Variants in SLC35D4 observed in about 807,000 individuals in gnomAD.
SLC35D4 encodes the protein solute carrier family 35 member D4.
the SLC35D4 span, among the ~76,000 whole-genome samples, chr18:23,318,758 C>T: frequency 2.6e-5 from 4 of 152,120 alleles, no homozygotes; most frequent in Admixed American, 2.6e-4. Flanking sequence ...ATTCAGTAGA[C>T]ATTTGAGGAT....
the SLC35D4 span, among the ~76,000 whole-genome samples, chr18:23,340,999 G>A: frequency 6.6e-6 from 1 of 152,344 alleles, no homozygotes; most frequent in East Asian, 1.9e-4. Context: ...AAACTGACTA[G>A]GAGAAAACTA....
the SLC35D4 span, among the ~76,000 whole-genome samples, chr18:23,401,585 A>T: frequency 1.3e-5 from 2 of 152,220 alleles, no homozygotes; most frequent in Non-Finnish European, 2.9e-5. Flanking sequence ...GGCAGGATAC[A>T]GGCCCATGGC....
At chr18:23,343,899 TC>T in the SLC35D4 span, among the ~76,000 whole-genome samples, 9 of 147,912 alleles carry the variant, frequency 6.1e-5, no homozygotes, top group African/African-American at 2.3e-4. Flanking sequence ...ATGATCTCAT[TC>T]TTTTTTTTTT....
At chr18:23,274,056 C>T in the SLC35D4 span, among the ~76,000 whole-genome samples, 2 of 152,132 alleles carry the variant, frequency 1.3e-5, no homozygotes, top group African/African-American at 4.8e-5. Flanking sequence ...CCTCAGCCTC[C>T]CGAGTAGCTG....
At chr18:23,427,750 C>G in the SLC35D4 span, among the ~76,000 whole-genome samples, 2 of 152,140 alleles carry the variant, frequency 1.3e-5, no homozygotes, top group African/African-American at 2.4e-5. Flanking sequence ...TTCACAATAG[C>G]AAAGACTTGG....
At chr18:23,283,743 A>T in the SLC35D4 span, among the ~76,000 whole-genome samples, 1 of 150,356 alleles carries the variant, frequency 6.7e-6, no homozygotes, top group Non-Finnish European at 1.5e-5. Context: ...TGGGAGGCGG[A>T]GGTTGCATTG....
chr18:23,409,067 G>A, the SLC35D4 span, among the ~76,000 whole-genome samples: 4 of 151,674 alleles, frequency 2.6e-5, no homozygotes, highest in African/African-American at 4.8e-5. Flanking sequence ...CCCAGGAGGC[G>A]GAGGTTGCAG....
At chr18:23,257,226 G>GAAACTGGAAGAGAAGTTCCGGCT in the SLC35D4 span, 1 of 1,602,404 alleles carries the variant, frequency 6.2e-7, no homozygotes, top group Non-Finnish European at 8.5e-7. Context: ...TTTTGTTGCA[G>GAAACTGGAAGAGAAGTTCCGGCT]AAACTGGAAG....
chr18:23,385,342 C>T, the SLC35D4 span, among the ~76,000 whole-genome samples: 2 of 152,200 alleles, frequency 1.3e-5, no homozygotes, highest in African/African-American at 4.8e-5. Flanking sequence ...GAACACATCC[C>T]ATGACAAGGT....
At chr18:23,362,301 T>C in the SLC35D4 span, among the ~76,000 whole-genome samples, 3 of 152,150 alleles carry the variant, frequency 2.0e-5, no homozygotes, top group Non-Finnish European at 1.5e-5. Context: ...GGATACTTCA[T>C]AGTAAAGTGT....
chr18:23,361,597 G>C, the SLC35D4 span, among the ~76,000 whole-genome samples: 136 of 152,250 alleles, frequency 8.9e-4, 3 homozygotes, highest in African/African-American at 3.0e-3. Context: ...ACAAATCGAA[G>C]TTGCAGAGAA....
At chr18:23,246,639 C>T in the SLC35D4 span, among the ~76,000 whole-genome samples, 2,077 of 151,756 alleles carry the variant, frequency 0.014, 31 homozygotes, top group Non-Finnish European at 0.023. Flanking sequence ...GATCCGCCCA[C>T]CTTGGCCTCC....
At chr18:23,430,199 G>A in the SLC35D4 span, among the ~76,000 whole-genome samples, 1 of 151,652 alleles carries the variant, frequency 6.6e-6, no homozygotes. Context: ...TGAGACAAAG[G>A]GGTCCAGTTT....
At chr18:23,241,210 A>G in the SLC35D4 span, among the ~76,000 whole-genome samples, 476 of 152,138 alleles carry the variant, frequency 3.1e-3, 1 homozygote, top group African/African-American at 0.011. Flanking sequence ...CATGTGTGTC[A>G]GTAGATTTTT....
At chr18:23,363,537 G>C in the SLC35D4 span, among the ~76,000 whole-genome samples, 1 of 151,640 alleles carries the variant, frequency 6.6e-6, no homozygotes, top group East Asian at 2.0e-4. Flanking sequence ...ACCACGCCCG[G>C]CTAATTTTTT....
the SLC35D4 span, among the ~76,000 whole-genome samples, chr18:23,256,753 G>A: frequency 1.3e-5 from 2 of 152,170 alleles, no homozygotes; most frequent in South Asian, 4.1e-4. Flanking sequence ...CCAAGGTGCT[G>A]GGATGACAGG....
At chr18:23,437,342 G>A in the SLC35D4 span, among the ~76,000 whole-genome samples, 2 of 152,162 alleles carry the variant, frequency 1.3e-5, no homozygotes, top group African/African-American at 4.8e-5. Flanking sequence ...AGTGTGAGGG[G>A]GAGACGGCTT....
the SLC35D4 span, among the ~76,000 whole-genome samples, chr18:23,306,313 A>AT: frequency 5.9e-4 from 88 of 148,386 alleles, no homozygotes; most frequent in African/African-American, 1.2e-3. Flanking sequence ...TCTTCTTCTT[A>AT]TTTTTTTTTT....
chr18:23,399,493 T>A, the SLC35D4 span: 1 of 1,329,418 alleles, frequency 7.5e-7, no homozygotes, highest in Non-Finnish European at 1.1e-6. Flanking sequence ...CTTATTGAGC[T>A]GAGGCATGAT....
Sources: gnomAD v4.1 joint callset for allele counts (sites outside exome capture counted in the v4.1 genomes callset) on GRCh38, gnomAD v4.1.1 for gene constraint, MANE v1.5 for transcripts, NCBI Gene and HGNC (gene_info 2026-07-23, HGNC 2026-07-21) for gene names.